Variants in CACNA1D observed in about 807,000 individuals in gnomAD.
The protein encoded by CACNA1D is calcium voltage-gated channel subunit alpha1 D.
Under a neutral mutation model 257.1 loss-of-function variants are expected in CACNA1D, and 55 were observed. The observed-to-expected ratio is 0.21, with a 90% CI of 0.17 to 0.27. CACNA1D has a LOEUF of 0.27. Ranked by LOEUF, CACNA1D falls within the 10% of genes least tolerant of loss-of-function variation. The pLI, the probability that CACNA1D is intolerant of heterozygous loss-of-function variation, is 1.00. For synonymous variants in CACNA1D, 980 were observed against 1,014.9 expected (o/e 0.97, Z 0.65); for missense variants, 1,876 against 2,784.0 (o/e 0.67, Z 7.34).
rs769625154 is a variant in CACNA1D at position 53,673,863 on chromosome 3, A to G, written c.1220+737A>G. ...GCACCTTCTCCTGCTGCCACGTGTG[A>G]GGCAACTCTGCGTGTCTCCTAGCTG... On this transcript the variant is annotated intron_variant, in intron 8 of 47. Transcript: ENST00000350061. The surrounding 1 kb of genome is among the most constrained non-coding windows in gnomAD (Gnocchi z 4.1). 1 of 1,214,240 alleles carries G rather than the reference A, an allele frequency of 8.2e-7. No individual in the cohort carries two copies. Among genetic ancestry groups the G allele is most frequent in the South Asian group, 1.2e-5 (1 of 83,042 alleles). 75.2% of individuals were successfully genotyped at this position (1,214,240 alleles called of 1,614,324 possible).
chr3:53,650,205 G>C (rs1247719554), intron 3 of CACNA1D, among the ~76,000 whole-genome samples: 7 of 152,204 alleles, frequency 4.6e-5, no homozygotes, highest in Non-Finnish European at 8.8e-5. Flanking sequence ...TTATTGTGTG[G>C]ATGCAAAAAC....
chr3:53,777,868 A>G (rs2095406563), intron 37 of CACNA1D, among the ~76,000 whole-genome samples: 1 of 152,182 alleles, frequency 6.6e-6, no homozygotes, highest in Non-Finnish European at 1.5e-5. Context: ...GACAAAAAAG[A>G]TTTTCCTTTT....
chr3:53,643,278 C>T (rs2108219494), intron 3 of CACNA1D, among the ~76,000 whole-genome samples: 1 of 152,200 alleles, frequency 6.6e-6, no homozygotes, highest in African/African-American at 2.4e-5. Flanking sequence ...GAAAAAATGA[C>T]CTCTATTTAC....
intron 3 of CACNA1D, among the ~76,000 whole-genome samples, chr3:53,611,488 G>T (rs2093582682): frequency 6.6e-6 from 1 of 151,896 alleles, no homozygotes; most frequent in Admixed American, 6.5e-5. Flanking sequence ...TCAGTTTTTG[G>T]GTACTTGATT....
chr3:53,791,087 G>T, intron 40 of CACNA1D: 1 of 699,036 alleles, frequency 1.4e-6, no homozygotes, highest in Non-Finnish European at 2.6e-6. Flanking sequence ...TCTCAAGTGG[G>T]CTTATTTCTA....
rs2093614405 is a variant in CACNA1D at position 53,614,347 on chromosome 3, T to G, written c.484-36432T>G. ...TGCTGGAAACCTATCCTCTGGAATT[T>G]GCCAGAAATCCGCCCTCTAGGGTGC... On this transcript the variant is annotated intron_variant, in intron 3 of 47. Coordinates refer to ENST00000350061, the MANE Select transcript of CACNA1D (RefSeq NM_001128840.3). Among the ~76,000 whole-genome samples the G allele has an allele frequency of 2.0e-5, 3 of 152,138 alleles. No individual in the cohort carries two copies. The South Asian group carries it at 6.2e-4, about 32-fold the overall frequency.
intron 39 of CACNA1D, among the ~76,000 whole-genome samples, chr3:53,783,684 G>A (rs1231421487): frequency 6.6e-6 from 1 of 152,228 alleles, no homozygotes; most frequent in Admixed American, 6.5e-5. Context: ...TCAGGCTTTG[G>A]TGCATAGACT....
At position 53,800,690 on chromosome 3, in the gene CACNA1D, G is replaced by C. The variant is rs193137159; in HGVS notation, c.5040+325G>C. The C allele has an allele frequency of 8.1e-6, 4 of 491,656 alleles. No individual in the cohort carries two copies. Among genetic ancestry groups the C allele is most frequent in the South Asian group, 2.0e-5 (1 of 49,342 alleles). The allele number at this position is 491,656 out of a possible 1,614,324, so 30.5% of individuals were successfully genotyped here. A position where few individuals can be genotyped will look rare whatever the true frequency, so the allele number is the denominator to read the frequency against. Reference sequence around the variant, plus strand: ...TGCCTTTGCTACCCTCCTCCTTCCCGGGCCAGCTCTTTGATCTGCCAGCTG... The same window carrying C: ...TGCCTTTGCTACCCTCCTCCTTCCCCGGCCAGCTCTTTGATCTGCCAGCTG... On this transcript the variant is annotated intron_variant, in intron 41 of 47. Coordinates refer to ENST00000350061, the MANE Select transcript of CACNA1D (RefSeq NM_001128840.3). The surrounding 1 kb of genome is among the most constrained non-coding windows in gnomAD (Gnocchi z 4.3).
rs556832916 is a variant in CACNA1D at position 53,694,830 on chromosome 3, GGGACCCTGGGCGATGCAGTCACAGGTGAA to G, written c.1221-7786_1221-7758del. ...GCTGAAGCTGCTGTTGGTTATTCCT[GGGACCCTGGGCGATGCAGTCACAGGTGAA>G]GGACCCTGGGCGATGCAGTCACAGT... On this transcript the variant is annotated intron_variant, in intron 8 of 47. Coordinates refer to ENST00000350061, the MANE Select transcript of CACNA1D (RefSeq NM_001128840.3). Among the ~76,000 whole-genome samples, 14 of 152,230 alleles carry G rather than the reference GGGACCCTGGGCGATGCAGTCACAGGTGAA, an allele frequency of 9.2e-5. No homozygotes were observed. In the East Asian group the frequency reaches 2.3e-3, roughly 25 times the overall value.
chr3:53,724,890 A>C (rs2094918704), intron 14 of CACNA1D, among the ~76,000 whole-genome samples: 1 of 152,172 alleles, frequency 6.6e-6, no homozygotes, highest in African/African-American at 2.4e-5. Flanking sequence ...GGTCATTTTC[A>C]GGTATATATA....
At position 53,494,922 on chromosome 3, in the gene CACNA1D, T is replaced by TA. The variant is rs1402634747; in HGVS notation, c.-240dup. 4 of 517,048 alleles carry TA rather than the reference T, an allele frequency of 7.7e-6. No individual in the cohort carries two copies. Among genetic ancestry groups the TA allele is most frequent in the Admixed American group, 3.2e-5 (1 of 31,630 alleles). 32.0% of individuals were successfully genotyped at this position (517,048 alleles called of 1,614,324 possible). A position where few individuals can be genotyped will look rare whatever the true frequency, so the allele number is the denominator to read the frequency against. ...ATATATACATTGGATTTTATTTTTT[T>TA]AAAAAGTTTATTTTGCTCCATTTTT... On this transcript the variant is annotated 5_prime_UTR_variant, in exon 1 of 48. Transcript: ENST00000350061.
chr3:53,508,060 G>A (rs740759), intron 3 of CACNA1D, among the ~76,000 whole-genome samples: 1 of 152,166 alleles, frequency 6.6e-6, no homozygotes, highest in African/African-American at 2.4e-5. Flanking sequence ...CTGACCTCTA[G>A]TAGGTCAGCC....
intron 46 of CACNA1D, chr3:53,809,627 T>C: frequency 2.8e-6 from 1 of 357,434 alleles, no homozygotes; most frequent in Non-Finnish European, 5.3e-6. Flanking sequence ...CTGAATGTAC[T>C]TCGGTATTTA....
At chr3:53,615,638 G>T (rs1311633537) in intron 3 of CACNA1D, among the ~76,000 whole-genome samples, 2 of 152,218 alleles carry the variant, frequency 1.3e-5, no homozygotes, top group African/African-American at 4.8e-5. Context: ...ATTAGCGAGA[G>T]GAGCCACCCT....
intron 7 of CACNA1D, among the ~76,000 whole-genome samples, chr3:53,672,749 TTGA>T (rs778370980): frequency 7.4e-4 from 109 of 147,960 alleles, no homozygotes; most frequent in Non-Finnish European, 1.4e-3. Flanking sequence ...CCTGAAAGCC[TTGA>T]TGACTCTGTG....
At chr3:53,532,121 G>T (rs922841733) in intron 3 of CACNA1D, among the ~76,000 whole-genome samples, 1 of 152,178 alleles carries the variant, frequency 6.6e-6, no homozygotes, top group Admixed American at 6.5e-5. Context: ...CTACTGAATT[G>T]TCGCAAAGTT....
rs1009734694 is a variant in CACNA1D at position 53,675,237 on chromosome 3, T to C, written c.1220+2111T>C. Among the ~76,000 whole-genome samples, 61 of 152,330 alleles carry C rather than the reference T, an allele frequency of 4.0e-4. 1 individual carries two copies. The highest frequency in any genetic ancestry group is 1.3e-3 in the African/African-American group (53 of 41,588). On this transcript the variant is annotated intron_variant, in intron 8 of 47. Coordinates refer to ENST00000350061, the MANE Select transcript of CACNA1D (RefSeq NM_001128840.3). Reference sequence around the variant, plus strand: ...CCCTGCCTGAGCCGCCTCCTGTAGATGAGTGGCTCCTCAAGCCTCCGGCCC... The same window carrying C: ...CCCTGCCTGAGCCGCCTCCTGTAGACGAGTGGCTCCTCAAGCCTCCGGCCC...
intron 3 of CACNA1D, among the ~76,000 whole-genome samples, chr3:53,528,649 T>G (rs2091847353): frequency 6.6e-6 from 1 of 152,238 alleles, no homozygotes; most frequent in South Asian, 2.1e-4. Flanking sequence ...GAACATTGAG[T>G]CTTCTAATCA....
In CACNA1D at chr3:53,723,681, T is replaced by C. The variant is rs1431113978; in HGVS notation, c.1892+22T>C. 1.2e-6 allele frequency: 2 copies of C among 1,608,338 alleles called. No individual in the cohort carries two copies. The highest frequency in any genetic ancestry group is 2.7e-5 in the African/African-American group (2 of 74,788). On this transcript the variant is annotated intron_variant, in intron 13 of 47. Coordinates refer to ENST00000350061, the MANE Select transcript of CACNA1D (RefSeq NM_001128840.3). The surrounding 1 kb of genome is among the most constrained non-coding windows in gnomAD (Gnocchi z 5.6). ...CCAGGTAAGGAAATGTGGGTCCCACTGCAAATGTTTTATGAACATGAGGCG... is the reference window on the plus strand; with the variant it reads ...CCAGGTAAGGAAATGTGGGTCCCACCGCAAATGTTTTATGAACATGAGGCG...
Sources: allele counts gnomAD v4.1 joint callset (sites outside exome capture counted in the v4.1 genomes callset), GRCh38; gene constraint gnomAD v4.1.1; non-coding constraint Gnocchi (gnomAD v3.1); transcripts MANE v1.5; gene names NCBI Gene and HGNC (gene_info 2026-07-23, HGNC 2026-07-21).